The following PDZRN3 variants were observed in gnomAD, a reference collection of about 807,000 sequenced individuals.
The protein encoded by PDZRN3 is PDZ domain containing ring finger 3.
A neutral mutation model predicts 85.7 loss-of-function variants in PDZRN3; 38 were observed. That is an observed-to-expected ratio of 0.44 (90% CI 0.34 to 0.58). The LOEUF (loss-of-function observed/expected upper bound fraction) is 0.58, where lower values mean the gene tolerates loss of function less well. Among genes scored for constraint, PDZRN3 ranks in the 20% least tolerant of loss-of-function variants. The pLI is 0.01. For synonymous variants in PDZRN3, 759 were observed against 638.0 expected, an observed-to-expected ratio of 1.19 and a Z score of -2.86; for missense variants, 1,629 against 1,506.4, an observed-to-expected ratio of 1.08 and a Z score of -1.35.
At chr3:73,413,263 G>T (rs1360336322) in intron 3 of PDZRN3, among the ~76,000 whole-genome samples, 1 of 152,126 alleles carries the variant, frequency 6.6e-6, no homozygotes, top group Non-Finnish European at 1.5e-5. Context: ...TACTAGCCTA[G>T]GTTTGGGCTC....
intron 3 of PDZRN3, among the ~76,000 whole-genome samples, chr3:73,550,656 C>T (rs1030373740): frequency 6.6e-6 from 1 of 152,210 alleles, no homozygotes; most frequent in Non-Finnish European, 1.5e-5. Flanking sequence ...TGATTAAATG[C>T]TGGTTTCTAA....
At chr3:73,609,598 C>T (rs1042218733) in intron 1 of PDZRN3, among the ~76,000 whole-genome samples, 2 of 152,154 alleles carry the variant, frequency 1.3e-5, no homozygotes, top group Non-Finnish European at 2.9e-5. Flanking sequence ...GCCTATAAAT[C>T]GGCATTTGCT....
chr3:73,515,471 C>T (rs970865467), intron 3 of PDZRN3, among the ~76,000 whole-genome samples: 2 of 152,156 alleles, frequency 1.3e-5, no homozygotes, highest in Non-Finnish European at 2.9e-5. Flanking sequence ...CCACCACGCC[C>T]GGCCCAATCA....
Position 73,538,455 on chromosome 3 carries a change from C to T in PDZRN3, c.918+63899G>A, listed in dbSNP as rs76421953. Among the ~76,000 whole-genome samples the T allele has an allele frequency of 7.2e-5, 11 of 151,892 alleles. No individual in the cohort carries two copies. The East Asian group carries it at 2.1e-3, about 29-fold the overall frequency. On this transcript the variant is annotated intron_variant, in intron 3 of 9. Coordinates refer to ENST00000263666, the MANE Select transcript of PDZRN3 (RefSeq NM_015009.3). ...GTCAGCAAAATGAGCTTTGCCAGAGCACCAGGGACTCCAATTACACATATT... is the reference window on the plus strand; with the variant it reads ...GTCAGCAAAATGAGCTTTGCCAGAGTACCAGGGACTCCAATTACACATATT...
chr3:73,416,875 G>GTTTTTTT (rs1491373717), intron 3 of PDZRN3, among the ~76,000 whole-genome samples: 6 of 40,750 alleles, frequency 1.5e-4, no homozygotes, highest in African/African-American at 2.2e-4. Flanking sequence ...GTTTTTTTTT[G>GTTTTTTT]GTTTTTTTTT....
chr3:73,383,083 A>G lies in PDZRN3; in HGVS notation c.*282T>C. On this transcript the variant is annotated 3_prime_UTR_variant, in exon 10 of 10. Transcript: ENST00000263666. ...TATGCTTAATAAAAGATCTTTCTGA[A>G]ATTTAAACACTTTATGTAAAAGGGT... The G allele has an allele frequency of 3.2e-6, 1 of 311,198 alleles. No homozygotes were observed. The highest frequency in any genetic ancestry group is 5.4e-5 in the East Asian group (1 of 18,456). The allele number at this position is 311,198 out of a possible 1,614,324, so 19.3% of individuals were successfully genotyped here. A position where few individuals can be genotyped will look rare whatever the true frequency, so the allele number is the denominator to read the frequency against.
At chr3:73,433,651 ATAGAG>A in intron 3 of PDZRN3, 1 of 1,533,638 alleles carries the variant, frequency 6.5e-7, no homozygotes, top group Non-Finnish European at 8.7e-7. Flanking sequence ...GACAAACTTC[ATAGAG>A]TAATTTGTAC....
chr3:73,443,725 C>T (rs2106827209), intron 3 of PDZRN3, among the ~76,000 whole-genome samples: 1 of 151,902 alleles, frequency 6.6e-6, no homozygotes. Flanking sequence ...AACTCATGGC[C>T]TCAAGCGATG....
intron 3 of PDZRN3, among the ~76,000 whole-genome samples, chr3:73,484,361 AGATTAC>A (rs1703624784): frequency 6.6e-6 from 1 of 152,040 alleles, no homozygotes; most frequent in South Asian, 2.1e-4. Context: ...CAAAGTCATG[AGATTAC>A]CCAGTGTATG....
At chr3:73,558,057 T>G (rs1274458101) in intron 3 of PDZRN3, among the ~76,000 whole-genome samples, 2 of 152,206 alleles carry the variant, frequency 1.3e-5, no homozygotes, top group South Asian at 2.1e-4. Flanking sequence ...ATTTAAAAAG[T>G]TTATATCTTT....
At chr3:73,594,191 T>TA (rs1227878422) in intron 3 of PDZRN3, among the ~76,000 whole-genome samples, 1 of 152,128 alleles carries the variant, frequency 6.6e-6, no homozygotes, top group Non-Finnish European at 1.5e-5. Flanking sequence ...AATTAATACA[T>TA]AATATATTGT....
intron 3 of PDZRN3, among the ~76,000 whole-genome samples, chr3:73,418,196 A>G (rs1309566397): frequency 6.6e-6 from 1 of 152,190 alleles, no homozygotes; most frequent in Admixed American, 6.5e-5. Flanking sequence ...GCTTTTTGTG[A>G]TTACATTTTT....
chr3:73,605,766 T>C (rs1250910834), intron 2 of PDZRN3, among the ~76,000 whole-genome samples: 1 of 152,230 alleles, frequency 6.6e-6, no homozygotes, highest in Non-Finnish European at 1.5e-5. Context: ...TTTCTGCTAA[T>C]CAGGGCAAAT....
chr3:73,565,728 A>G (rs1043816919), intron 3 of PDZRN3, among the ~76,000 whole-genome samples: 5 of 150,886 alleles, frequency 3.3e-5, no homozygotes, highest in African/African-American at 1.2e-4. Flanking sequence ...ACCTGAGGTC[A>G]GGAGTTCGAG....
chr3:73,624,135 T>G lies in PDZRN3; in HGVS notation c.691A>C (p.Ser231Arg), dbSNP rs1702920552. The G allele has an allele frequency of 4.7e-6, 7 of 1,481,064 alleles. No homozygotes were observed. The highest frequency in any genetic ancestry group is 1.3e-5 in the South Asian group (1 of 78,400). 91.7% of individuals were successfully genotyped at this position (1,481,064 alleles called of 1,614,324 possible). ...TEYSARLDSL[S>R]RCVAAPPGGK... ...CCGGGCGGCGCGGCCACGCAGCGGC[T>G]GAGCGAGTCGAGGCGCGCGCTGTAT... The change falls in exon 1 of 10, where the codon AGC (serine) becomes CGC (arginine). Residue 231 changes from serine to arginine, a missense_variant. Transcript: ENST00000263666.
intron 3 of PDZRN3, among the ~76,000 whole-genome samples, chr3:73,460,088 T>C (rs1216690553): frequency 6.6e-6 from 1 of 152,240 alleles, no homozygotes; most frequent in Admixed American, 6.5e-5. Flanking sequence ...TATACATATA[T>C]AATGTATCAT....
At chr3:73,409,512 A>G (rs1459332441) in intron 3 of PDZRN3, among the ~76,000 whole-genome samples, 1 of 152,194 alleles carries the variant, frequency 6.6e-6, no homozygotes, top group African/African-American at 2.4e-5. Context: ...TTCTTGGCTG[A>G]CGGAATGTCA....
chr3:73,388,172 C>T, intron 7 of PDZRN3, 103 bp from the exon 8 acceptor site: 1 of 631,700 alleles, frequency 1.6e-6, no homozygotes. Flanking sequence ...TTGTCACCCA[C>T]TCACAGTTAG....
chr3:73,449,598 G>A (rs966804457), intron 3 of PDZRN3, among the ~76,000 whole-genome samples: 4 of 152,092 alleles, frequency 2.6e-5, no homozygotes, highest in African/African-American at 7.2e-5. Context: ...CATATCCCAC[G>A]CCTCACTGTT....
Sources: gnomAD v4.1 joint callset for allele counts (sites outside exome capture counted in the v4.1 genomes callset) on GRCh38, gnomAD v4.1.1 for gene constraint, MANE v1.5 for transcripts, NCBI Gene and HGNC (gene_info 2026-07-23, HGNC 2026-07-21) for gene names.